Variants in LARP1B observed in about 807,000 individuals in gnomAD.
LARP1B encodes la-related protein 1B.
A neutral mutation model predicts 114.2 loss-of-function variants in LARP1B; 76 were observed. That is an observed-to-expected ratio of 0.67 (90% CI 0.55 to 0.81). LARP1B has a LOEUF of 0.81. LARP1B is among the 30% of genes least tolerant of loss of function. LARP1B has a pLI of 0.00. For synonymous variants in LARP1B, 345 were observed against 348.0 expected (o/e 0.99, Z 0.10); for missense variants, 1,014 against 1,075.8 (o/e 0.94, Z 0.80).
At chr4:128,174,743 A>G (rs1255395138) in intron 12 of LARP1B, among the ~76,000 whole-genome samples, 1 of 152,012 alleles carries the variant, frequency 6.6e-6, no homozygotes, top group Admixed American at 6.6e-5. Context: ...CTGGTGTTCT[A>G]TATTGAATCT....
Position 128,217,829 on chromosome 4 carries a change from A to C in LARP1B, n.849-2526A>C, listed in dbSNP as rs568212064. On this transcript the variant is annotated intron_variant and non_coding_transcript_variant, in intron 6 of 7. Coordinates refer to the LARP1B transcript ENST00000503725. ...CAGGAGAAGGAAATAAAGGGTATTCAATTAGGAAAAGAGGAAGTCAAATTA... is the reference window on the plus strand; with the variant it reads ...CAGGAGAAGGAAATAAAGGGTATTCCATTAGGAAAAGAGGAAGTCAAATTA... Among the ~76,000 whole-genome samples, 158 of 148,762 alleles carry C rather than the reference A, an allele frequency of 1.1e-3. 3 individuals carry two copies. Among genetic ancestry groups the C allele is most frequent in the Admixed American group, 8.9e-4 (13 of 14,680 alleles).
chr4:128,123,792 T>A, intron 11 of LARP1B: 1 of 575,314 alleles, frequency 1.7e-6, no homozygotes, highest in Non-Finnish European at 2.2e-6. Context: ...GTAAGCCAAC[T>A]TGAGAAACAT....
intron 11 of LARP1B, chr4:128,123,164 T>A: frequency 3.0e-6 from 3 of 985,434 alleles, no homozygotes; most frequent in Non-Finnish European, 3.6e-6. Context: ...TTTCTTTTCT[T>A]CCTGGAATCC....
At chr4:128,067,190 C>T (rs953890440) in intron 1 of LARP1B, among the ~76,000 whole-genome samples, 3 of 152,034 alleles carry the variant, frequency 2.0e-5, no homozygotes, top group Non-Finnish European at 2.9e-5. Flanking sequence ...CAGTGGGTAC[C>T]TCTAAATCTA....
chr4:128,111,953 G>C (rs1231901464), intron 9 of LARP1B, among the ~76,000 whole-genome samples: 1 of 151,282 alleles, frequency 6.6e-6, no homozygotes, highest in African/African-American at 2.4e-5. Context: ...GCCTCCCAAA[G>C]TGCTGGGATT....
chr4:128,188,610 C>A (rs1216043472), intron 15 of LARP1B, among the ~76,000 whole-genome samples: 2 of 151,948 alleles, frequency 1.3e-5, no homozygotes, highest in African/African-American at 4.8e-5. Flanking sequence ...TATTTGAAAC[C>A]TACTTTTTTG....
chr4:128,071,972 G>T (rs552581451), intron 1 of LARP1B, among the ~76,000 whole-genome samples: 1 of 149,050 alleles, frequency 6.7e-6, no homozygotes, highest in African/African-American at 2.5e-5. Flanking sequence ...CAGGGTTTAA[G>T]GATAACGTTT....
intron 5 of LARP1B, 75 bp from the exon 6 acceptor site, chr4:128,090,926 T>G: frequency 5.1e-6 from 6 of 1,167,434 alleles, no homozygotes; most frequent in Non-Finnish European, 6.1e-6. Flanking sequence ...AGGTGGCTAT[T>G]ATGTTTTCAT....
rs540724993 is a variant in LARP1B, at chr4:128,206,049, G to T, written c.2310-379G>T. On this transcript the variant is annotated intron_variant, in intron 17 of 19. Transcript: ENST00000326639. Reference sequence around the variant, plus strand: ...CTCACACCTGTAATCCCAGCACTTTGGGAGGCCGAGGCAGATGGATCCCCT... The same window carrying T: ...CTCACACCTGTAATCCCAGCACTTTTGGAGGCCGAGGCAGATGGATCCCCT... Among the ~76,000 whole-genome samples, 11 of 152,292 alleles carry T rather than the reference G, an allele frequency of 7.2e-5. No individual in the cohort carries two copies. In the East Asian group the frequency reaches 1.9e-3, roughly 27 times the overall value.
intron 7 of LARP1B, among the ~76,000 whole-genome samples, chr4:128,093,301 C>CT (rs748181556): frequency 5.9e-5 from 9 of 152,076 alleles, no homozygotes; most frequent in African/African-American, 1.4e-4. Context: ...TGAGAAGTCA[C>CT]TAAAAGTTTT....
Position 128,091,497 on chromosome 4 carries a change from A to T in LARP1B, c.653A>T (p.Tyr218Phe). 6.2e-7 allele frequency: 1 copy of T among 1,603,228 alleles called. No individual in the cohort carries two copies. The highest frequency in any genetic ancestry group is 8.5e-7 in the Non-Finnish European group (1 of 1,176,270). Residue 218 changes from tyrosine to phenylalanine, a missense_variant, in exon 7 of 20, where the codon TAT becomes TTT. Coordinates refer to ENST00000326639, the MANE Select transcript of LARP1B (RefSeq NM_018078.4). ...GTGGAAGAAGCATTGCTTAAAGAGT[A>T]TATTAAGCGTCAAATGTAAGTGGAT... ...YPVEEALLKE[Y>F]IKRQIEYYFS...
Position 128,122,081 on chromosome 4 carries a change from C to G in LARP1B, c.1417C>G (p.Arg473Gly), listed in dbSNP as rs757535546. 1 of 1,613,996 alleles carries G rather than the reference C, an allele frequency of 6.2e-7. No individual in the cohort carries two copies. The highest frequency in any genetic ancestry group is 1.1e-5 in the South Asian group (1 of 91,046). ...AGATCGAACAGGCACCCACATGTCT[C>G]GGGCAAAAATCACATCTGAACTTGC... is the stretch of plus-strand genomic sequence containing the variant. ...GGDRTGTHMSRAKITSELAKV... is the reference protein window; with the variant it reads ...GGDRTGTHMSGAKITSELAKV... The change falls in exon 11 of 20, where the codon CGG (arginine) becomes GGG (glycine). Residue 473 changes from arginine (R) to glycine (G), a missense_variant. Transcript: ENST00000326639.
chr4:128,066,444 C>A (rs1420428264), intron 1 of LARP1B, among the ~76,000 whole-genome samples: 4 of 150,124 alleles, frequency 2.7e-5, no homozygotes, highest in Non-Finnish European at 5.9e-5. Flanking sequence ...TCCCAAAGTG[C>A]TAGGATTACA....
chr4:128,218,291 C>A (rs1759686486), intron 6 of LARP1B, among the ~76,000 whole-genome samples: 1 of 21,318 alleles, frequency 4.7e-5, no homozygotes, highest in African/African-American at 1.5e-4. Flanking sequence ...TTGGAAAAAA[C>A]TACTTTAAAG....
chr4:128,091,783 G>C (rs1217121629), intron 7 of LARP1B, among the ~76,000 whole-genome samples: 1 of 152,046 alleles, frequency 6.6e-6, no homozygotes. Flanking sequence ...TTCTGGTAGA[G>C]AACGGGTTTT....
chr4:128,129,559 A>G lies in LARP1B; in HGVS notation c.1524+7371A>G, dbSNP rs59004145. On this transcript the variant is annotated intron_variant, in intron 11 of 19. Transcript: ENST00000326639. Reference sequence around the variant, plus strand: ...GTGGATATCTCCAGAGGCAAAAAACACCTAAAAAACCCAGAATAGCTAATA... The same window carrying G: ...GTGGATATCTCCAGAGGCAAAAAACGCCTAAAAAACCCAGAATAGCTAATA... Among the ~76,000 whole-genome samples, 1,216 of 152,210 alleles carry G rather than the reference A, an allele frequency of 8.0e-3. 17 individuals are homozygous for G. Among genetic ancestry groups the G allele is most frequent in the African/African-American group, 0.028 (1,151 of 41,528 alleles).
At chr4:128,200,767 T>G in intron 17 of LARP1B, 102 bp downstream of exon 17, 1 of 777,616 alleles carries the variant, frequency 1.3e-6, no homozygotes, top group Non-Finnish European at 2.0e-6. Context: ...AGAAAATAAT[T>G]TTTAAAACTA....
chr4:128,170,314 ATT>A (rs1743016345), intron 12 of LARP1B, among the ~76,000 whole-genome samples: 2 of 152,152 alleles, frequency 1.3e-5, no homozygotes, highest in Non-Finnish European at 2.9e-5. Context: ...TTATTACACT[ATT>A]TTTGAGTAGA....
rs895317466 is a variant in LARP1B, at chr4:128,122,206, A to G, written c.1524+18A>G. On this transcript the variant is annotated intron_variant, in intron 11 of 19. Coordinates refer to ENST00000326639, the MANE Select transcript of LARP1B (RefSeq NM_018078.4). ...CCATAAAGGTAATTGTTTCTGGCCA[A>G]CATCTTTCTACTGATGCTTTGTTTT... 36 of 1,608,206 alleles carry G rather than the reference A, an allele frequency of 2.2e-5. No homozygotes were observed. Among genetic ancestry groups the G allele is most frequent in the African/African-American group, 5.3e-5 (4 of 74,814 alleles).
Sources: allele counts gnomAD v4.1 joint callset (sites outside exome capture counted in the v4.1 genomes callset), GRCh38; gene constraint gnomAD v4.1.1; transcripts MANE v1.5; gene names NCBI Gene and HGNC (gene_info 2026-07-23, HGNC 2026-07-21).